Variants in ZNF674 observed in about 807,000 individuals in gnomAD.
ZNF674 encodes zinc finger family member 674.
In ZNF674, 2 loss-of-function variants were observed where a neutral mutation model predicts 7.0. The observed-to-expected ratio is 0.29, with a 90% confidence interval of 0.12 to 0.90. The LOEUF is 0.90. Among genes scored for constraint, ZNF674 ranks in the 40% least tolerant of loss-of-function variants. ZNF674 has a pLI of 0.57. For missense variants in ZNF674, 297 were observed against 415.5 expected (o/e 0.71, Z 2.48); for synonymous variants, 103 against 145.2 (o/e 0.71, Z 2.09).
Position 46,525,722 on chromosome X carries a change from TCAAGCTATCTACAAAAAAGTTA to T in ZNF674, c.238+2606_238+2627del, listed in dbSNP as rs763241119. ...TACATGATTGTTTACATAGGAAATGTCAAGCTATCTACAAAAAAGTTACAAGCTATCTACAAAAAAGTTACAA... is the reference window on the plus strand; with the variant it reads ...TACATGATTGTTTACATAGGAAATGTCAAGCTATCTACAAAAAAGTTACAA... On this transcript the variant is annotated intron_variant, in intron 5 of 5. Transcript: ENST00000683375. Among the ~76,000 whole-genome samples the T allele has an allele frequency of 7.4e-3, 828 of 111,445 alleles. 5 individuals carry two copies. The highest frequency in any genetic ancestry group is 0.026 in the African/African-American group (784 of 30,712).
Position 46,524,153 on chromosome X carries a change from C to T in ZNF674, c.238+4197G>A, listed in dbSNP as rs950943779. On this transcript the variant is annotated intron_variant, in intron 5 of 5. Transcript: ENST00000683375. The stretch of plus-strand genomic sequence containing the variant: ...GAACATTTAAGAAATAATGCTAGTC[C>T]TATATAAATTTCAGAAAACAGAAGA... Among the ~76,000 whole-genome samples the T allele has an allele frequency of 8.9e-5, 10 of 111,760 alleles. No homozygotes were observed. In the East Asian group the frequency reaches 2.8e-3, roughly 31 times the overall value.
At chrX:46,518,272 ACTGT>A (rs1273720147) in intron 5 of ZNF674, among the ~76,000 whole-genome samples, 2 of 111,855 alleles carry the variant, frequency 1.8e-5, no homozygotes, top group Non-Finnish European at 3.8e-5. Flanking sequence ...AAAATATAAC[ACTGT>A]CTGAGGGATT....
At position 46,499,197 on chromosome X, in the gene ZNF674, A is replaced by G. The variant is rs1051682224; in HGVS notation, c.*646T>C. 1 of 111,572 alleles carries G rather than the reference A, an allele frequency of 9.0e-6. No individual in the cohort carries two copies. Among genetic ancestry groups the G allele is most frequent in the African/African-American group, 3.3e-5 (1 of 30,709 alleles). 9.2% of individuals were successfully genotyped at this position (111,572 alleles called of 1,213,427 possible). On this transcript the variant is annotated 3_prime_UTR_variant, in exon 6 of 6. Transcript: ENST00000683375. ...TTTATTTATTTGACAAGGTCTGGCTATAATGCCCAGGCTGGAGTGCAGTGG... is the reference window on the plus strand; with the variant it reads ...TTTATTTATTTGACAAGGTCTGGCTGTAATGCCCAGGCTGGAGTGCAGTGG...
Position 46,501,351 on chromosome X carries a change from A to G in ZNF674, c.239-16T>C, listed in dbSNP as rs772435978. ...TCCCAGACTTCTAGAAGAAAATGCA[A>G]TGAATCATCAAACTTGTCTTCCCAC... On this transcript the variant is annotated splice_polypyrimidine_tract_variant and intron_variant, in intron 5 of 5. Transcript: ENST00000683375. 3 of 1,193,377 alleles carry G rather than the reference A, an allele frequency of 2.5e-6. No individual in the cohort carries two copies. In the East Asian group the frequency reaches 8.9e-5, roughly 35 times the overall value.
intron 5 of ZNF674, chrX:46,525,395 G>A (rs1360899111): frequency 4.8e-6 from 1 of 209,101 alleles, no homozygotes; most frequent in East Asian, 2.1e-4. Flanking sequence ...CTGAGGCTGG[G>A]AGTTCGAGAC....
chrX:46,522,172 C>T (rs1465833198), intron 5 of ZNF674, among the ~76,000 whole-genome samples: 2 of 104,832 alleles, frequency 1.9e-5, no homozygotes, highest in Non-Finnish European at 3.9e-5. Context: ...ACGGAGGGAG[C>T]ATCTACAAAT....
chrX:46,512,765 CA>C (rs59242903), intron 5 of ZNF674, among the ~76,000 whole-genome samples: 2,827 of 74,744 alleles, frequency 0.038, 94 homozygotes, highest in African/African-American at 0.1. Flanking sequence ...CTCCATCTCA[CA>C]AAAAAAAAAA....
At chrX:46,511,478 A>T (rs1178766804) in intron 5 of ZNF674, among the ~76,000 whole-genome samples, 1 of 112,041 alleles carries the variant, frequency 8.9e-6, no homozygotes. Context: ...CTGAGAAAAA[A>T]TTTGAAACAT....
intron 5 of ZNF674, among the ~76,000 whole-genome samples, chrX:46,521,446 T>C (rs1195803672): frequency 1.8e-5 from 2 of 109,554 alleles, no homozygotes; most frequent in Non-Finnish European, 3.8e-5. Flanking sequence ...GGTGTGGTGG[T>C]GCATGCCTGT....
At chrX:46,514,058 C>T (rs899971128) in intron 5 of ZNF674, among the ~76,000 whole-genome samples, 1 of 111,015 alleles carries the variant, frequency 9.0e-6, no homozygotes, top group Admixed American at 9.6e-5. Context: ...GAGAGAGACC[C>T]TCTCTCAAAA....
chrX:46,510,765 CG>C (rs1485655489), intron 5 of ZNF674, among the ~76,000 whole-genome samples: 3 of 112,072 alleles, frequency 2.7e-5, no homozygotes, highest in Non-Finnish European at 5.6e-5. Context: ...CACTCCAGCC[CG>C]GGTAACAGAG....
chrX:46,506,958 G>A (rs1478813236), intron 5 of ZNF674, among the ~76,000 whole-genome samples: 1 of 111,468 alleles, frequency 9.0e-6, no homozygotes, highest in Non-Finnish European at 1.9e-5. Flanking sequence ...AAAAACTCAG[G>A]GATATGACAC....
intron 5 of ZNF674, among the ~76,000 whole-genome samples, chrX:46,504,547 T>C (rs1244299590): frequency 9.0e-6 from 1 of 110,715 alleles, no homozygotes; most frequent in African/African-American, 3.3e-5. Flanking sequence ...TTCACCATGT[T>C]GGCCAGGCTG....
intron 3 of ZNF674, among the ~76,000 whole-genome samples, chrX:46,533,853 T>TATATATATATAC (rs1556020063): frequency 1.4e-5 from 1 of 73,850 alleles, no homozygotes; most frequent in African/African-American, 5.9e-5. Context: ...TATATATATA[T>TATATATATATAC]ACACACACAC....
intron 5 of ZNF674, among the ~76,000 whole-genome samples, chrX:46,516,251 T>C (rs1941763587): frequency 8.9e-6 from 1 of 112,032 alleles, no homozygotes; most frequent in African/African-American, 3.2e-5. Context: ...ACCCGAGGAC[T>C]CTGACAAGTC....
intron 5 of ZNF674, among the ~76,000 whole-genome samples, chrX:46,517,424 AAAAAAT>A (rs1199428316): frequency 1.8e-5 from 2 of 111,850 alleles, no homozygotes; most frequent in Non-Finnish European, 3.8e-5. Context: ...AAAAAATTGC[AAAAAAT>A]AATAACCAAA....
chrX:46,535,031 G>A (rs1391659476), intron 3 of ZNF674, among the ~76,000 whole-genome samples: 1 of 112,347 alleles, frequency 8.9e-6, no homozygotes, highest in Non-Finnish European at 1.9e-5. Context: ...GTGAGCCACC[G>A]CTTCCAGCCG....
intron 5 of ZNF674, among the ~76,000 whole-genome samples, chrX:46,511,790 G>A (rs997681435): frequency 8.9e-6 from 1 of 111,872 alleles, no homozygotes; most frequent in Non-Finnish European, 1.9e-5. Flanking sequence ...TTGGGAGGCC[G>A]AGGCAGGTGG....
chrX:46,540,188 G>C (rs958951334), intron 3 of ZNF674, among the ~76,000 whole-genome samples: 6 of 109,760 alleles, frequency 5.5e-5, no homozygotes, highest in Non-Finnish European at 1.1e-4. Flanking sequence ...AGCTCGCAGT[G>C]AGCCGAGATT....
Sources: allele counts gnomAD v4.1 joint callset (sites outside exome capture counted in the v4.1 genomes callset), GRCh38; gene constraint gnomAD v4.1.1; transcripts MANE v1.5; gene names NCBI Gene and HGNC (gene_info 2026-07-23, HGNC 2026-07-21).